SSB: variants seen among roughly 807,000 people sequenced by gnomAD.
SSB encodes the protein lupus La protein.
A neutral mutation model predicts 52.9 loss-of-function variants in SSB; 17 were observed. The observed-to-expected ratio is 0.32, with a 90% CI of 0.22 to 0.48. The LOEUF is 0.48. Ranked by LOEUF, SSB falls within the 20% of genes least tolerant of loss-of-function variation. The probability of loss-of-function intolerance (pLI) is 0.99; values close to 1 mark genes in which losing one functional copy is unlikely to be tolerated. For synonymous variants in SSB, 111 were observed against 152.1 expected, an observed-to-expected ratio of 0.73 and a Z score of 1.99; for missense variants, 314 against 463.6, an observed-to-expected ratio of 0.68 and a Z score of 2.96.
At chr2:169,809,614 T>A (rs969421446) in intron 8 of SSB, among the ~76,000 whole-genome samples, 11 of 148,688 alleles carry the variant, frequency 7.4e-5, no homozygotes, top group African/African-American at 2.5e-4. Flanking sequence ...GACTATAAAA[T>A]TTTTTTTTTT....
intron 6 of SSB, 24 bp from the exon 7 acceptor site, chr2:169,808,458 G>A (rs1218412589): frequency 2.2e-5 from 35 of 1,594,954 alleles, no homozygotes; most frequent in Non-Finnish European, 2.9e-5. Context: ...CGTGAACTTA[G>A]CCTCTGTACT....
At position 169,807,054 on chromosome 2, in the gene SSB, C is replaced by T; in HGVS notation, c.537C>T (p.Asp179=). The change falls in exon 6 of 12, where the codon GAC becomes GAT. Residue 179 remains aspartate (D), a synonymous_variant. Coordinates refer to ENST00000260956, the MANE Select transcript of SSB (RefSeq NM_003142.5). ...CTGGCCAGAAGTACAAAGAAACAGA[C>T]CTGCTAATACTTTTCAAGTAAGTCT... ...ETPGQKYKET[D]LLILFKDDYF... 1.2e-6 allele frequency: 2 copies of T among 1,613,566 alleles called. No individual in the cohort carries two copies. Among genetic ancestry groups the T allele is most frequent in the Non-Finnish European group, 1.7e-6 (2 of 1,179,780 alleles).
intron 9 of SSB, 95 bp from the exon 10 acceptor site, chr2:169,810,763 A>AG: frequency 8.3e-7 from 1 of 1,202,338 alleles, no homozygotes; most frequent in East Asian, 2.4e-5. Flanking sequence ...AAGACATGGA[A>AG]GGTTTGCAGG....
At chr2:169,810,707 G>A (rs938608801) in intron 9 of SSB, 151 bp from the exon 10 acceptor site, 1 of 770,080 alleles carries the variant, frequency 1.3e-6, no homozygotes, top group African/African-American at 1.8e-5. Flanking sequence ...TTTTACTTCT[G>A]TAGCATTCCT....
chr2:169,810,642 T>C (rs1689930178), intron 9 of SSB: 1 of 656,564 alleles, frequency 1.5e-6, no homozygotes, highest in Non-Finnish European at 2.6e-6. Context: ...CTATATGTGA[T>C]GTCTGATAGT....
intron 11 of SSB, 64 bp from the exon 12 acceptor site, chr2:169,811,604 G>C: frequency 6.4e-7 from 1 of 1,564,066 alleles, no homozygotes; most frequent in Non-Finnish European, 8.6e-7. Context: ...TAGTAATTGT[G>C]CTCAGTATTA....
intron 9 of SSB, 31 bp downstream of exon 9, chr2:169,810,454 TCA>T (rs1689924332): frequency 1.9e-6 from 3 of 1,563,768 alleles, no homozygotes; most frequent in Non-Finnish European, 2.6e-6. Flanking sequence ...TTTTTAGCAA[TCA>T]GTTTGAAAAT....
In SSB at chr2:169,811,900, T is replaced by C; in HGVS notation, c.*144T>C. The C allele has an allele frequency of 6.3e-7, 1 of 1,595,518 alleles. No individual in the cohort carries two copies. Among genetic ancestry groups the C allele is most frequent in the South Asian group, 1.1e-5 (1 of 89,254 alleles). ...ATTTTTTTGTTGTTTAACTTGTCTT[T>C]TTGTTATGCAAATGAGATTTCTTTG... On this transcript the variant is annotated 3_prime_UTR_variant, in exon 12 of 12. Coordinates refer to ENST00000260956, the MANE Select transcript of SSB (RefSeq NM_003142.5).
chr2:169,805,173 C>G (rs1314226833), intron 2 of SSB, among the ~76,000 whole-genome samples: 2 of 152,068 alleles, frequency 1.3e-5, no homozygotes, highest in Non-Finnish European at 2.9e-5. Context: ...TCTTCCAGTT[C>G]TTTTTATTTA....
intron 2 of SSB, among the ~76,000 whole-genome samples, chr2:169,801,456 G>A (rs2105696320): frequency 6.7e-6 from 1 of 148,702 alleles, no homozygotes; most frequent in South Asian, 2.1e-4. Context: ...TATTTTTGAT[G>A]ATCTTAGTTT....
At chr2:169,809,911 C>T (rs547012468) in intron 8 of SSB, among the ~76,000 whole-genome samples, 38 of 151,924 alleles carry the variant, frequency 2.5e-4, no homozygotes, top group Non-Finnish European at 4.3e-4. Context: ...CCACTGCGCC[C>T]GGCCTAAAAA....
At chr2:169,808,232 A>G (rs886368242) in intron 6 of SSB, among the ~76,000 whole-genome samples, 12 of 152,202 alleles carry the variant, frequency 7.9e-5, no homozygotes, top group Non-Finnish European at 1.6e-4. Context: ...TGAATATACT[A>G]AAAAACATTC....
chr2:169,811,343 T>C lies in SSB; in HGVS notation c.1138+20T>C, dbSNP rs752486215. ...CAACTGGTAAGTTTTTTTTAAGTCC[T>C]TTGGTAGTTTCATGAGAAAATTTCT... On this transcript the variant is annotated intron_variant, in intron 11 of 11. Coordinates refer to ENST00000260956, the MANE Select transcript of SSB (RefSeq NM_003142.5). 1.1e-5 allele frequency: 17 copies of C among 1,537,746 alleles called. No individual in the cohort carries two copies. The highest frequency in any genetic ancestry group is 5.7e-5 in the African/African-American group (4 of 70,622).
Position 169,808,551 on chromosome 2 carries a change from A to C in SSB, c.624A>C (p.Lys208Asn). The C allele has an allele frequency of 6.2e-7, 1 of 1,607,792 alleles. No individual in the cohort carries two copies. The highest frequency in any genetic ancestry group is 8.5e-7 in the Non-Finnish European group (1 of 1,174,578). ...QNKVEAKLRA[K>N]QEQEAKQKLE... Reference sequence around the variant, plus strand: ...AAGTGGAAGCTAAATTAAGAGCTAAACAGTAAGTATGTTGAACTAATCACG... The same window carrying C: ...AAGTGGAAGCTAAATTAAGAGCTAACCAGTAAGTATGTTGAACTAATCACG... The change falls in exon 7 of 12, where the codon AAA becomes AAC. Residue 208 changes from lysine (K) to asparagine (N), a missense_variant and splice_region_variant. Physicochemically the swap from Lys to Asn is moderately conservative, Grantham distance 94. Transcript: ENST00000260956.
chr2:169,803,516 C>G (rs1023050545), intron 2 of SSB, among the ~76,000 whole-genome samples: 17 of 152,212 alleles, frequency 1.1e-4, no homozygotes, highest in African/African-American at 3.9e-4. Flanking sequence ...ACCCAAAGTG[C>G]TGGGATTACA....
rs575606248 is a variant in SSB, at chr2:169,808,249, C to T, written c.555-233C>T. 1.2e-4 allele frequency among the ~76,000 whole-genome samples: 19 copies of T among 152,220 alleles called. No individual in the cohort carries two copies. The East Asian group carries it at 2.7e-3, about 22-fold the overall frequency. On this transcript the variant is annotated intron_variant, in intron 6 of 11. Coordinates refer to ENST00000260956, the MANE Select transcript of SSB (RefSeq NM_003142.5). ...AATATACTAAAAAACATTCAAGGTA[C>T]ACTTTAAAAGAGTGAATTTTGTGGC...
intron 1 of SSB, among the ~76,000 whole-genome samples, chr2:169,800,534 CAA>C (rs59743225): frequency 2.3e-4 from 18 of 78,280 alleles, no homozygotes; most frequent in East Asian, 3.5e-4. Context: ...GACTCCGTCT[CAA>C]AAAAAAAAAA....
rs1689930868 is a variant in SSB at position 169,810,667 on chromosome 2, A to G, written c.811-191A>G. ...TGTCTGATAGTTTCTGAATTATACT[A>G]TGAATAACTGTTCATACTGATGATT... On this transcript the variant is annotated intron_variant, in intron 9 of 11. Coordinates refer to ENST00000260956, the MANE Select transcript of SSB (RefSeq NM_003142.5). The G allele has an allele frequency of 8.9e-6, 6 of 671,320 alleles. No individual in the cohort carries two copies. In the South Asian group the frequency reaches 1.3e-4, roughly 15 times the overall value. 41.6% of individuals were successfully genotyped at this position (671,320 alleles called of 1,614,324 possible).
Position 169,811,915 on chromosome 2 carries a change from A to G in SSB, c.*159A>G. On this transcript the variant is annotated 3_prime_UTR_variant, in exon 12 of 12. Transcript: ENST00000260956. ...AACTTGTCTTTTTGTTATGCAAATGAGATTTCTTTGAATGTATTGTTCTGT... is the reference window on the plus strand; with the variant it reads ...AACTTGTCTTTTTGTTATGCAAATGGGATTTCTTTGAATGTATTGTTCTGT... 1 of 1,562,424 alleles carries G rather than the reference A, an allele frequency of 6.4e-7. No homozygotes were observed. The highest frequency in any genetic ancestry group is 1.1e-5 in the South Asian group (1 of 87,558).
Sources: allele counts gnomAD v4.1 joint callset (sites outside exome capture counted in the v4.1 genomes callset), GRCh38; gene constraint gnomAD v4.1.1; transcripts MANE v1.5; gene names NCBI Gene and HGNC (gene_info 2026-07-23, HGNC 2026-07-21).